Variants in IL1RAPL1 observed in about 807,000 individuals in gnomAD.
IL1RAPL1 encodes the protein interleukin-1 receptor accessory protein-like 1.
A neutral mutation model predicts 48.4 loss-of-function variants in IL1RAPL1; 3 were observed. The ratio of observed to expected loss-of-function variants is 0.06; its 90% CI spans 0.03 to 0.16. IL1RAPL1 has a LOEUF of 0.16. IL1RAPL1 is among the 10% of genes least tolerant of loss of function. The pLI, the probability that IL1RAPL1 is intolerant of heterozygous loss-of-function variation, is 1.00. For synonymous variants in IL1RAPL1, 185 were observed against 187.7 expected (o/e 0.99, Z 0.12); for missense variants, 349 against 530.6 (o/e 0.66, Z 3.36).
At chrX:29,638,094 G>A (rs142731159) in intron 5 of IL1RAPL1, among the ~76,000 whole-genome samples, 2,386 of 110,909 alleles carry the variant, frequency 0.022, 60 homozygotes, top group African/African-American at 0.075. Flanking sequence ...CTAGCTTGGT[G>A]ATCAAAGGGA....
chrX:29,587,008 T>C (rs948014000), intron 5 of IL1RAPL1, among the ~76,000 whole-genome samples: 3 of 111,030 alleles, frequency 2.7e-5, no homozygotes, highest in African/African-American at 9.8e-5. Flanking sequence ...TGGATGCTTT[T>C]TGTTTCTTTT....
intron 2 of IL1RAPL1, among the ~76,000 whole-genome samples, chrX:29,121,093 C>T (rs1928773870): frequency 9.0e-6 from 1 of 111,590 alleles, no homozygotes; most frequent in African/African-American, 3.3e-5. Flanking sequence ...TTCCTCAACT[C>T]GATAAAGAAC....
intron 6 of IL1RAPL1, among the ~76,000 whole-genome samples, chrX:29,904,101 G>C (rs1318272361): frequency 8.9e-6 from 1 of 111,910 alleles, no homozygotes; most frequent in African/African-American, 3.3e-5. Flanking sequence ...CTGTATTTCT[G>C]GTTAAATGTG....
intron 2 of IL1RAPL1, among the ~76,000 whole-genome samples, chrX:28,896,946 A>G (rs1418547353): frequency 9.0e-6 from 1 of 111,182 alleles, no homozygotes; most frequent in Non-Finnish European, 1.9e-5. Flanking sequence ...TTTTCTGGCT[A>G]TTTGGAACCA....
At chrX:28,637,231 T>C (rs1934475987) in intron 1 of IL1RAPL1, among the ~76,000 whole-genome samples, 1 of 111,287 alleles carries the variant, frequency 9.0e-6, no homozygotes, top group African/African-American at 3.3e-5. Context: ...CATAGCCCTT[T>C]CTAATCTCTG....
chrX:29,262,972 G>A (rs902203505), intron 2 of IL1RAPL1, among the ~76,000 whole-genome samples: 23 of 111,300 alleles, frequency 2.1e-4, no homozygotes, highest in African/African-American at 6.5e-4. Flanking sequence ...ATATTGGATG[G>A]CTATGTATAT....
At chrX:29,172,968 A>T (rs1296717592) in intron 2 of IL1RAPL1, among the ~76,000 whole-genome samples, 1 of 111,643 alleles carries the variant, frequency 9.0e-6, no homozygotes, top group Non-Finnish European at 1.9e-5. Flanking sequence ...CATGGATGTC[A>T]TGTCTCTTAC....
intron 2 of IL1RAPL1, among the ~76,000 whole-genome samples, chrX:28,863,100 G>A (rs1327528636): frequency 1.8e-5 from 2 of 111,007 alleles, no homozygotes; most frequent in Non-Finnish European, 3.8e-5. Flanking sequence ...AGGCTGTCTC[G>A]AACTCACGAC....
chrX:29,214,079 C>T (rs1408697031), intron 2 of IL1RAPL1, among the ~76,000 whole-genome samples: 1 of 110,252 alleles, frequency 9.1e-6, no homozygotes, highest in Non-Finnish European at 1.9e-5. Flanking sequence ...AATGAATTAC[C>T]CTCTGTGCAC....
At chrX:28,801,342 CT>C (rs887264235) in intron 2 of IL1RAPL1, among the ~76,000 whole-genome samples, 15 of 110,121 alleles carry the variant, frequency 1.4e-4, no homozygotes, top group Non-Finnish European at 2.1e-4. Flanking sequence ...TCAAAAACTT[CT>C]TTTTTTTTCC....
intron 5 of IL1RAPL1, among the ~76,000 whole-genome samples, chrX:29,500,396 A>C (rs143499182): frequency 0.014 from 1,610 of 111,667 alleles, 18 homozygotes; most frequent in Non-Finnish European, 0.023. Flanking sequence ...GTGTGTTTGT[A>C]CCCATTACTC....
intron 1 of IL1RAPL1, among the ~76,000 whole-genome samples, chrX:28,722,797 C>T (rs1343265654): frequency 1.8e-5 from 2 of 111,556 alleles, no homozygotes; most frequent in African/African-American, 6.5e-5. Flanking sequence ...GTGTTTTTAG[C>T]ATGAAGGGCT....
chrX:29,227,795 T>G (rs1417427328), intron 2 of IL1RAPL1, among the ~76,000 whole-genome samples: 1 of 111,183 alleles, frequency 9.0e-6, no homozygotes, highest in African/African-American at 3.3e-5. Flanking sequence ...CCTATAATAA[T>G]AGCTAAAACC....
At chrX:29,854,883 C>T (rs1931447279) in intron 6 of IL1RAPL1, among the ~76,000 whole-genome samples, 1 of 106,142 alleles carries the variant, frequency 9.4e-6, no homozygotes. Flanking sequence ...TCAAAACCAG[C>T]CTGACCAAAT....
At chrX:28,650,844 C>T (rs1331015075) in intron 1 of IL1RAPL1, among the ~76,000 whole-genome samples, 3 of 111,879 alleles carry the variant, frequency 2.7e-5, no homozygotes, top group Non-Finnish European at 5.6e-5. Context: ...TTTGTATGGT[C>T]TCCAAGCTAA....
intron 2 of IL1RAPL1, among the ~76,000 whole-genome samples, chrX:28,890,512 A>G (rs1348818850): frequency 1.8e-5 from 2 of 111,852 alleles, no homozygotes; most frequent in African/African-American, 3.2e-5. Context: ...AGTTTCTATT[A>G]TTATTTGCTT....
intron 2 of IL1RAPL1, among the ~76,000 whole-genome samples, chrX:29,116,761 G>C (rs1928685653): frequency 9.0e-6 from 1 of 111,252 alleles, no homozygotes; most frequent in African/African-American, 3.3e-5. Flanking sequence ...ATATCGAAGA[G>C]AGTGAATGAT....
At chrX:29,495,417 G>T (rs1396410776) in intron 5 of IL1RAPL1, among the ~76,000 whole-genome samples, 1 of 111,601 alleles carries the variant, frequency 9.0e-6, no homozygotes, top group Admixed American at 9.6e-5. Flanking sequence ...GTAGAAATGA[G>T]AACACAGAAC....
intron 6 of IL1RAPL1, among the ~76,000 whole-genome samples, chrX:29,729,157 G>C (rs1234831786): frequency 2.7e-5 from 3 of 111,475 alleles, no homozygotes; most frequent in Admixed American, 1.9e-4. Flanking sequence ...ATAACTCCAA[G>C]TATTCATGTA....
Sources: allele counts gnomAD v4.1 joint callset (sites outside exome capture counted in the v4.1 genomes callset), GRCh38; gene constraint gnomAD v4.1.1; transcripts MANE v1.5; gene names NCBI Gene and HGNC (gene_info 2026-07-23, HGNC 2026-07-21).